MBP: variants seen among roughly 807,000 people sequenced by gnomAD.
MBP encodes the protein myelin basic protein, also known as Golli-MBP.
MBP carries 16 observed loss-of-function variants against 35.8 expected under a neutral mutation model. That is an observed-to-expected ratio of 0.45 (90% CI 0.30 to 0.68). The LOEUF (loss-of-function observed/expected upper bound fraction) is 0.68. MBP is among the 30% of genes least tolerant of loss of function. MBP has a pLI of 0.08. For missense variants in MBP, 380 were observed against 404.7 expected (o/e 0.94, Z 0.52); for synonymous variants, 143 against 159.6 (o/e 0.90, Z 0.78).
chr18:77,046,396 C>T (rs1020821376), intron 3 of MBP, among the ~76,000 whole-genome samples: 9 of 152,254 alleles, frequency 5.9e-5, no homozygotes, highest in Non-Finnish European at 1.2e-4. Flanking sequence ...AAACAACTTG[C>T]TCCCCGGAAG....
At chr18:77,026,700 T>C (rs1972238022) in intron 3 of MBP, among the ~76,000 whole-genome samples, 1 of 152,062 alleles carries the variant, frequency 6.6e-6, no homozygotes, top group South Asian at 2.1e-4. Context: ...ACCTTGTCTT[T>C]ACAAAAAAAA....
rs1704839899 is a variant in MBP at position 77,131,855 on chromosome 18, C to A, written c.-26+725G>T. Among the ~76,000 whole-genome samples the A allele has an allele frequency of 6.6e-6, 1 of 151,992 alleles. No homozygotes were observed. The highest frequency in any genetic ancestry group is 6.5e-5 in the Admixed American group (1 of 15,272). ...ACCCGGGCGGGCCGGCGGGCGGCTG[C>A]GGGCGGCGCACGTGGGCCCAGGTGG... On this transcript the variant is annotated intron_variant, in intron 1 of 8. Coordinates refer to ENST00000355994, the MANE Select transcript of MBP (RefSeq NM_001025101.2). This position sits in a 1 kb window ranked among gnomAD's most constrained non-coding sequence, Gnocchi z 5.5.
At chr18:77,017,500 C>T in intron 3 of MBP, 1 of 382,924 alleles carries the variant, frequency 2.6e-6, no homozygotes, top group Non-Finnish European at 4.6e-6. Flanking sequence ...ATTTGGCACC[C>T]AGCGTAAAAT....
At chr18:77,062,879 G>A (rs990381757) in intron 3 of MBP, among the ~76,000 whole-genome samples, 1 of 152,196 alleles carries the variant, frequency 6.6e-6, no homozygotes, top group Non-Finnish European at 1.5e-5. Context: ...TTAGGTATGC[G>A]TGTCCTGCAG....
At position 77,020,341 on chromosome 18, in the gene MBP, G is replaced by A. The variant is rs1971941534; in HGVS notation, c.140-3073C>T. On this transcript the variant is annotated intron_variant, in intron 3 of 8. Transcript: ENST00000355994. This position sits in a 1 kb window ranked among gnomAD's most constrained non-coding sequence, Gnocchi z 4.1. ...ACAGTTGAGAATGCATGCCTGCCAA[G>A]CGACCAAGAGTGAGCAGTGGACAGA... 6.6e-6 allele frequency among the ~76,000 whole-genome samples: 1 copy of A among 152,178 alleles called. No individual in the cohort carries two copies. The highest frequency in any genetic ancestry group is 1.5e-5 in the Non-Finnish European group (1 of 68,030).
At chr18:77,088,630 C>T (rs1273854840) in intron 2 of MBP, among the ~76,000 whole-genome samples, 2 of 149,232 alleles carry the variant, frequency 1.3e-5, no homozygotes, top group African/African-American at 4.9e-5. Flanking sequence ...CATTATTAAA[C>T]AGTTTTTTTG....
Position 76,988,004 on chromosome 18 carries a change from A to G in MBP, c.750+491T>C. ...ATACAAAACAAAAATCTTTGGATTAATGAGGTTATTATAAATCGAGCAACT... is the reference window on the plus strand; with the variant it reads ...ATACAAAACAAAAATCTTTGGATTAGTGAGGTTATTATAAATCGAGCAACT... On this transcript the variant is annotated intron_variant, in intron 7 of 8. Transcript: ENST00000355994. The surrounding 1 kb of genome is among the most constrained non-coding windows in gnomAD (Gnocchi z 5.2). 7.6e-7 allele frequency: 1 copy of G among 1,313,926 alleles called. No homozygotes were observed. Among genetic ancestry groups the G allele is most frequent in the Non-Finnish European group, 9.8e-7 (1 of 1,025,218 alleles). 81.4% of individuals were successfully genotyped at this position (1,313,926 alleles called of 1,614,324 possible).
rs1021459202 is a variant in MBP at position 77,016,442 on chromosome 18, T to C, written c.576+390A>G. 4.8e-6 allele frequency: 5 copies of C among 1,052,462 alleles called. No homozygotes were observed. In the African/African-American group the frequency reaches 6.6e-5, roughly 14 times the overall value. The allele number at this position is 1,052,462 out of a possible 1,614,324, so 65.2% of individuals were successfully genotyped here. ...AGGAAAAAACGAGCATAACCCAGTGTTGAACCCCAGCGTGTGGGCTGCAGA... is the reference window on the plus strand; with the variant it reads ...AGGAAAAAACGAGCATAACCCAGTGCTGAACCCCAGCGTGTGGGCTGCAGA... On this transcript the variant is annotated intron_variant, in intron 4 of 8. Transcript: ENST00000355994.
intron 3 of MBP, among the ~76,000 whole-genome samples, chr18:77,029,012 G>C (rs1416513271): frequency 1.8e-5 from 2 of 110,020 alleles, no homozygotes; most frequent in Admixed American, 9.6e-5. Flanking sequence ...ACGGGGTGGC[G>C]GCCGGGCAGA....
intron 2 of MBP, among the ~76,000 whole-genome samples, chr18:77,086,499 C>T (rs904548899): frequency 9.2e-5 from 14 of 152,106 alleles, no homozygotes; most frequent in Non-Finnish European, 1.8e-4. Flanking sequence ...TATGGTTACA[C>T]GAAGATGCAA....
chr18:77,068,461 C>A (rs1179322036), intron 2 of MBP, among the ~76,000 whole-genome samples: 2 of 152,184 alleles, frequency 1.3e-5, no homozygotes, highest in African/African-American at 4.8e-5. Flanking sequence ...ACCACACATC[C>A]GCCTGCATTT....
intron 3 of MBP, among the ~76,000 whole-genome samples, chr18:77,056,650 C>T (rs111499728): frequency 1.3e-5 from 2 of 152,198 alleles, no homozygotes; most frequent in African/African-American, 4.8e-5. Context: ...AAAACCCTCC[C>T]GCCTTTCGTT....
intron 1 of MBP, among the ~76,000 whole-genome samples, chr18:77,130,852 CA>C (rs1977219921): frequency 2.0e-5 from 3 of 151,800 alleles, no homozygotes; most frequent in Admixed American, 2.0e-4. Context: ...TATCTTTGGG[CA>C]GAACTGTGAT....
intron 3 of MBP, among the ~76,000 whole-genome samples, chr18:77,028,454 AT>A (rs1468516557): frequency 9.3e-6 from 1 of 107,338 alleles, no homozygotes; most frequent in Non-Finnish European, 2.3e-5. Flanking sequence ...CCCCCTTTCT[AT>A]TCCACAAAAC....
rs80339666 is a variant in MBP, at chr18:77,028,653, A to G, written c.140-11385T>C. On this transcript the variant is annotated intron_variant, in intron 3 of 8. Transcript: ENST00000355994. Reference sequence around the variant, plus strand: ...CCCCCACCTCCCTCCCGGACGGGGCAGCTGGCTGGGCAGAGGGGCTCCTCA... The same window carrying G: ...CCCCCACCTCCCTCCCGGACGGGGCGGCTGGCTGGGCAGAGGGGCTCCTCA... Among the ~76,000 whole-genome samples, 76 of 39,744 alleles carry G rather than the reference A, an allele frequency of 1.9e-3. 11 individuals carry two copies. Among genetic ancestry groups the G allele is most frequent in the Middle Eastern group, 0.03 (2 of 66 alleles). 26.1% of individuals were successfully genotyped at this position (39,744 alleles called of 152,430 possible). A position where few individuals can be genotyped will look rare whatever the true frequency, so the allele number is the denominator to read the frequency against.
rs1971699864 is a variant in MBP at position 77,017,222 on chromosome 18, T to C, written c.186A>G (p.Thr62=). The part of the protein sequence containing the change: ...NQNNGTSSQD[T]AVTDSKRTAD... ...CTGTGCGCTTGGAGTCAGTCACCGC[T>C]GTGTCCTGAGAGGAGGTCCCATTGT... The change falls in exon 4 of 9, where the codon ACA becomes ACG. Residue 62 remains threonine, a synonymous_variant. Transcript: ENST00000355994. The C allele has an allele frequency of 2.0e-6, 3 of 1,523,930 alleles. No homozygotes were observed. The highest frequency in any genetic ancestry group is 2.6e-6 in the Non-Finnish European group (3 of 1,137,410). The allele number at this position is 1,523,930 out of a possible 1,614,324, so 94.4% of individuals were successfully genotyped here.
rs559365539 is a variant in MBP, at chr18:76,989,934, C to T, written c.681+22G>A. ...CTCCTCCCCCTCACAGTTGCTACCT[C>T]TTCCCATCGATCGTCACTTACAATG... On this transcript the variant is annotated intron_variant, in intron 5 of 8. Transcript: ENST00000355994. The surrounding 1 kb of genome is among the most constrained non-coding windows in gnomAD (Gnocchi z 4.0). 2 of 1,595,824 alleles carry T rather than the reference C, an allele frequency of 1.3e-6. No individual in the cohort carries two copies. Among genetic ancestry groups the T allele is most frequent in the East Asian group, 2.2e-5 (1 of 44,774 alleles).
chr18:77,128,969 T>C (rs1358880317), intron 1 of MBP, among the ~76,000 whole-genome samples: 1 of 152,208 alleles, frequency 6.6e-6, no homozygotes, highest in Non-Finnish European at 1.5e-5. Flanking sequence ...TTAAATTTTT[T>C]TCCAGTACCG....
chr18:77,122,777 A>G (rs1976929638), intron 1 of MBP, among the ~76,000 whole-genome samples: 1 of 152,202 alleles, frequency 6.6e-6, no homozygotes, highest in African/African-American at 2.4e-5. Flanking sequence ...TCCTGACCTC[A>G]GTTGATCCTC....
Sources: gnomAD v4.1 joint callset for allele counts (sites outside exome capture counted in the v4.1 genomes callset) on GRCh38, gnomAD v4.1.1 for gene constraint, Gnocchi (gnomAD v3.1) non-coding constraint, MANE v1.5 for transcripts, NCBI Gene and HGNC (gene_info 2026-07-23, HGNC 2026-07-21) for gene names.